TAF4B: variants seen among roughly 807,000 people sequenced by gnomAD.
The protein encoded by TAF4B is transcription initiation factor TFIID subunit 4B.
A neutral mutation model predicts 86.4 loss-of-function variants in TAF4B; 38 were observed. The ratio of observed to expected loss-of-function variants is 0.44; its 90% CI spans 0.34 to 0.58. TAF4B has a LOEUF of 0.58. Among genes scored for constraint, TAF4B ranks in the 20% least tolerant of loss-of-function variants. The pLI is 0.02. For missense variants in TAF4B, 988 were observed against 1,027.6 expected (o/e 0.96, Z 0.53); for synonymous variants, 388 against 391.2 (o/e 0.99, Z 0.10).
intron 9 of TAF4B, 73 bp from the exon 10 acceptor site, chr18:26,315,156 C>CTCTG (rs2056896201): frequency 7.3e-6 from 4 of 544,344 alleles, no homozygotes; most frequent in African/African-American, 2.4e-5. Flanking sequence ...GTCTCTCTCT[C>CTCTG]TCTCTCACAC....
chr18:26,239,117 G>A (rs528809184), intron 1 of TAF4B, among the ~76,000 whole-genome samples: 17 of 152,310 alleles, frequency 1.1e-4, no homozygotes, highest in African/African-American at 4.1e-4. Context: ...TAATGGGATG[G>A]CTGGGTCAAA....
chr18:26,242,470 A>G (rs1201717015), intron 1 of TAF4B, among the ~76,000 whole-genome samples: 3 of 152,036 alleles, frequency 2.0e-5, no homozygotes, highest in Non-Finnish European at 2.9e-5. Context: ...TTTTGAGCCT[A>G]TGTGTGTCTC....
chr18:26,363,053 CA>C (rs2057343010), intron 14 of TAF4B, among the ~76,000 whole-genome samples: 1 of 152,086 alleles, frequency 6.6e-6, no homozygotes, highest in Non-Finnish European at 1.5e-5. Context: ...CATTTTATAT[CA>C]GGGACTTGAG....
intron 3 of TAF4B, among the ~76,000 whole-genome samples, chr18:26,271,537 C>G (rs184636713): frequency 1.3e-5 from 2 of 152,308 alleles, no homozygotes; most frequent in Non-Finnish European, 2.9e-5. Context: ...CTCCTGTCCT[C>G]AAGACATGCC....
intron 13 of TAF4B, among the ~76,000 whole-genome samples, chr18:26,355,096 A>G (rs946065995): frequency 7.2e-5 from 11 of 152,178 alleles, no homozygotes; most frequent in African/African-American, 2.4e-4. Flanking sequence ...GTGTAGAAAT[A>G]CCTGTATGTG....
chr18:26,294,133 T>C (rs1301372901), intron 9 of TAF4B, among the ~76,000 whole-genome samples: 1 of 152,180 alleles, frequency 6.6e-6, no homozygotes, highest in Non-Finnish European at 1.5e-5. Context: ...ATGCTTTTGC[T>C]ATCTAGAAAT....
intron 13 of TAF4B, among the ~76,000 whole-genome samples, chr18:26,342,076 A>C (rs549012320): frequency 6.6e-6 from 1 of 152,168 alleles, no homozygotes; most frequent in African/African-American, 2.4e-5. Flanking sequence ...ACTATTTAAA[A>C]CATTTCCATT....
chr18:26,277,708 G>T (rs1363573007), intron 5 of TAF4B, among the ~76,000 whole-genome samples: 2 of 152,074 alleles, frequency 1.3e-5, no homozygotes, highest in African/African-American at 4.8e-5. Flanking sequence ...GAGTCTACTG[G>T]TTTATCCTGC....
At chr18:26,382,312 A>T (rs1168415154) in intron 14 of TAF4B, among the ~76,000 whole-genome samples, 1 of 152,210 alleles carries the variant, frequency 6.6e-6, no homozygotes, top group Non-Finnish European at 1.5e-5. Flanking sequence ...TAGTGTAAGT[A>T]GGAAAGTCTT....
At chr18:26,364,426 A>AAAAAG (rs2057355008) in intron 14 of TAF4B, among the ~76,000 whole-genome samples, 1 of 152,110 alleles carries the variant, frequency 6.6e-6, no homozygotes, top group African/African-American at 2.4e-5. Flanking sequence ...GATACAGTAA[A>AAAAAG]ATAAAACCTA....
At chr18:26,272,760 T>C (rs999674854) in intron 3 of TAF4B, among the ~76,000 whole-genome samples, 9 of 152,170 alleles carry the variant, frequency 5.9e-5, no homozygotes, top group Non-Finnish European at 1.0e-4. Context: ...GAGGCTTATT[T>C]ACTGTATAGA....
intron 1 of TAF4B, among the ~76,000 whole-genome samples, chr18:26,234,450 A>G (rs1222376402): frequency 6.6e-6 from 1 of 152,184 alleles, no homozygotes; most frequent in Non-Finnish European, 1.5e-5. Context: ...AGATAAACAT[A>G]CTTGCTATCT....
At chr18:26,300,307 T>TTTATTATTA (rs57272091) in intron 9 of TAF4B, among the ~76,000 whole-genome samples, 4,463 of 145,356 alleles carry the variant, frequency 0.031, 110 homozygotes, top group African/African-American at 0.059. Context: ...AATGTAGGCA[T>TTTATTATTA]TTATTATTAT....
chr18:26,228,103 A>G (rs1325127575), intron 1 of TAF4B, among the ~76,000 whole-genome samples: 3 of 152,132 alleles, frequency 2.0e-5, no homozygotes, highest in African/African-American at 7.2e-5. Context: ...TTTTTACTCT[A>G]TTGGGCTGTA....
chr18:26,310,526 G>T (rs2056843262), intron 9 of TAF4B, among the ~76,000 whole-genome samples: 1 of 152,186 alleles, frequency 6.6e-6, no homozygotes, highest in Admixed American at 6.5e-5. Flanking sequence ...GCTCACTGTG[G>T]TAGAGAGGCT....
chr18:26,289,865 T>G (rs1314381405), intron 7 of TAF4B, among the ~76,000 whole-genome samples: 1 of 152,208 alleles, frequency 6.6e-6, no homozygotes, highest in Non-Finnish European at 1.5e-5. Flanking sequence ...ACTAGACATA[T>G]ACATTGTTCC....
chr18:26,339,378 C>T (rs547787998), intron 13 of TAF4B, among the ~76,000 whole-genome samples: 3 of 152,172 alleles, frequency 2.0e-5, no homozygotes, highest in South Asian at 2.1e-4. Context: ...CAGGCTGGAG[C>T]GCAGTGACGC....
intron 9 of TAF4B, among the ~76,000 whole-genome samples, chr18:26,301,586 A>T (rs1489431932): frequency 6.6e-6 from 1 of 151,970 alleles, no homozygotes; most frequent in East Asian, 1.9e-4. Flanking sequence ...GAGCCACCAC[A>T]CCCTGCCATT....
At chr18:26,366,077 A>G (rs2057369513) in intron 14 of TAF4B, among the ~76,000 whole-genome samples, 1 of 152,204 alleles carries the variant, frequency 6.6e-6, no homozygotes, top group South Asian at 2.1e-4. Context: ...GGTGTGAGCC[A>G]CTGCGCCCGG....
Sources: allele counts gnomAD v4.1 joint callset (sites outside exome capture counted in the v4.1 genomes callset), GRCh38; gene constraint gnomAD v4.1.1; transcripts MANE v1.5; gene names NCBI Gene and HGNC (gene_info 2026-07-23, HGNC 2026-07-21).